PUDP: variants seen among roughly 807,000 people sequenced by gnomAD.
PUDP encodes pseudouridine 5'-phosphatase.
A neutral mutation model predicts 9.4 loss-of-function variants in PUDP; 8 were observed. That is an observed-to-expected ratio of 0.85 (90% CI 0.50 to 1.53). PUDP has a LOEUF of 1.53. Among genes scored for constraint, PUDP ranks in the 40% most tolerant of loss-of-function variants. PUDP has a pLI of 0.00. For synonymous variants in PUDP, 99 were observed against 80.7 expected (o/e 1.23, Z -1.22); for missense variants, 188 against 189.7 (o/e 0.99, Z 0.05).
intron 1 of PUDP, among the ~76,000 whole-genome samples, chrX:6,998,477 ATCAGGGCAATTGACTG>A (rs1201980531): frequency 9.0e-6 from 1 of 110,794 alleles, no homozygotes; most frequent in African/African-American, 3.3e-5. Flanking sequence ...AAGAAAAATA[ATCAGGGCAATTGACTG>A]TCAGGGCAAT....
chrX:6,803,154 C>T (rs1292540385), intron 3 of PUDP, among the ~76,000 whole-genome samples: 3 of 107,635 alleles, frequency 2.8e-5, no homozygotes, highest in African/African-American at 1.0e-4. Flanking sequence ...AGCTGGAGAG[C>T]CCCAGGCAGG....
chrX:6,802,684 G>A (rs1925953474), intron 3 of PUDP, among the ~76,000 whole-genome samples: 1 of 109,302 alleles, frequency 9.1e-6, no homozygotes, highest in Non-Finnish European at 1.9e-5. Flanking sequence ...AGGAGTTCAA[G>A]ACCAGCCTGG....
chrX:6,725,481 A>G (rs1924728151), upstream of PUDP, among the ~76,000 whole-genome samples: 1 of 111,713 alleles, frequency 9.0e-6, no homozygotes, highest in South Asian at 3.8e-4. Context: ...AAATGAGAAT[A>G]TGTGGGATTT....
At chrX:7,125,690 G>A (rs1932466708) in intron 1 of PUDP, among the ~76,000 whole-genome samples, 1 of 111,993 alleles carries the variant, frequency 8.9e-6, no homozygotes, top group Non-Finnish European at 1.9e-5. Flanking sequence ...TGGACTCACA[G>A]TTCCACGTGG....
At chrX:6,999,543 A>T (rs1929296396) in intron 1 of PUDP, among the ~76,000 whole-genome samples, 1 of 111,985 alleles carries the variant, frequency 8.9e-6, no homozygotes, top group Non-Finnish European at 1.9e-5. Context: ...AATAAATTTC[A>T]TCAGGTTGGT....
At chrX:6,834,103 C>T (rs1021634361) in intron 3 of PUDP, among the ~76,000 whole-genome samples, 1 of 110,994 alleles carries the variant, frequency 9.0e-6, no homozygotes, top group African/African-American at 3.3e-5. Flanking sequence ...AGAGTTAGAC[C>T]GTGAACAGAT....
intron 3 of PUDP, among the ~76,000 whole-genome samples, chrX:6,786,057 T>C (rs896271899): frequency 5.4e-5 from 6 of 111,732 alleles, no homozygotes; most frequent in African/African-American, 2.0e-4. Context: ...CCTCCAGTAA[T>C]ACTCAATGTG....
At chrX:6,998,529 GAA>G (rs202015672) in intron 1 of PUDP, among the ~76,000 whole-genome samples, 4 of 105,482 alleles carry the variant, frequency 3.8e-5, no homozygotes, top group Non-Finnish European at 7.9e-5. Flanking sequence ...TTCTCCAGCC[GAA>G]AAAAAAAACC....
chrX:6,730,397 C>G (rs1459353934), intron 3 of PUDP, among the ~76,000 whole-genome samples: 1 of 112,404 alleles, frequency 8.9e-6, no homozygotes, highest in Non-Finnish European at 1.9e-5. Flanking sequence ...TGGATTTTCA[C>G]ACAAGATGTG....
chrX:7,055,562 G>T (rs952061630), intron 3 of PUDP, among the ~76,000 whole-genome samples: 1 of 110,595 alleles, frequency 9.0e-6, no homozygotes, highest in Non-Finnish European at 1.9e-5. Context: ...AGCCCCAAAA[G>T]ATTTTTATGT....
intron 1 of PUDP, among the ~76,000 whole-genome samples, chrX:7,029,339 G>A (rs748793575): frequency 1.8e-5 from 2 of 111,718 alleles, no homozygotes; most frequent in Non-Finnish European, 3.8e-5. Context: ...TTGGGTGAGG[G>A]GGCCTCGACT....
At chrX:7,022,903 A>T (rs1929652929) in intron 1 of PUDP, among the ~76,000 whole-genome samples, 2 of 111,822 alleles carry the variant, frequency 1.8e-5, no homozygotes, top group Non-Finnish European at 3.8e-5. Flanking sequence ...GAGCCAGGAA[A>T]CTAACAAGGT....
intron 1 of PUDP, among the ~76,000 whole-genome samples, chrX:7,124,143 TG>T (rs1220579246): frequency 4.5e-5 from 5 of 112,288 alleles, no homozygotes; most frequent in African/African-American, 1.6e-4. Context: ...GGCCATATGC[TG>T]GGTCATAAGT....
intron 1 of PUDP, among the ~76,000 whole-genome samples, chrX:6,993,062 T>G (rs1364911748): frequency 8.9e-6 from 1 of 112,095 alleles, no homozygotes; most frequent in African/African-American, 3.2e-5. Context: ...AAGGCTGCAC[T>G]ATCACCAGCT....
At chrX:6,840,362 G>T (rs1926649480) in intron 3 of PUDP, among the ~76,000 whole-genome samples, 1 of 111,655 alleles carries the variant, frequency 9.0e-6, no homozygotes, top group Non-Finnish European at 1.9e-5. Context: ...TAATACAGTA[G>T]GTAAATGGAT....
chrX:7,127,785 AG>A (rs1932521216), intron 1 of PUDP, among the ~76,000 whole-genome samples: 1 of 112,759 alleles, frequency 8.9e-6, no homozygotes, highest in African/African-American at 3.2e-5. Context: ...TTGCAATTTA[AG>A]GCATGATCAG....
chrX:7,002,914 A>G (rs1210836118), intron 1 of PUDP, among the ~76,000 whole-genome samples: 1 of 110,301 alleles, frequency 9.1e-6, no homozygotes, highest in African/African-American at 3.3e-5. Flanking sequence ...GAGCCCCGGA[A>G]AGCACCGAGA....
chrX:7,004,112 G>C (rs909899424), intron 1 of PUDP, among the ~76,000 whole-genome samples: 6 of 111,533 alleles, frequency 5.4e-5, no homozygotes, highest in African/African-American at 1.6e-4. Context: ...CTGGACTCAA[G>C]TGATCCACCC....
intron 1 of PUDP, among the ~76,000 whole-genome samples, chrX:6,720,986 G>A (rs1347578272): frequency 9.0e-6 from 1 of 111,422 alleles, no homozygotes; most frequent in Non-Finnish European, 1.9e-5. Flanking sequence ...GTACAGCTTT[G>A]TGTCACACTT....
Sources: gnomAD v4.1 joint callset for allele counts (sites outside exome capture counted in the v4.1 genomes callset) on GRCh38, gnomAD v4.1.1 for gene constraint, MANE v1.5 for transcripts, NCBI Gene and HGNC (gene_info 2026-07-23, HGNC 2026-07-21) for gene names.